RNF216: variants seen among roughly 807,000 people sequenced by gnomAD.
The protein encoded by RNF216 is E3 ubiquitin-protein ligase RNF216.
Under a neutral mutation model 110.8 loss-of-function variants are expected in RNF216, and 72 were observed. The observed-to-expected ratio is 0.65, with a 90% CI of 0.54 to 0.79. The LOEUF is 0.79. Ranked by LOEUF, RNF216 falls within the 30% of genes least tolerant of loss-of-function variation. The probability of loss-of-function intolerance (pLI) is 0.00; values close to 1 mark genes in which losing one functional copy is unlikely to be tolerated. For synonymous variants in RNF216, 495 were observed against 407.5 expected (o/e 1.21, Z -2.59); for missense variants, 1,342 against 1,141.2 (o/e 1.18, Z -2.54).
chr7:5,658,562 G>GT (rs34211406), intron 13 of RNF216, among the ~76,000 whole-genome samples: 27,894 of 150,964 alleles, frequency 0.18, 4,620 homozygotes, highest in African/African-American at 0.45. Flanking sequence ...GGAGGCTGAG[G>GT]GGGAGGATTT....
At chr7:5,762,751 A>G (rs1046168867) in intron 1 of RNF216, among the ~76,000 whole-genome samples, 4 of 152,148 alleles carry the variant, frequency 2.6e-5, no homozygotes, top group Admixed American at 2.0e-4. Context: ...GAATGACCTC[A>G]GCAACTTCAG....
chr7:5,747,204 C>T (rs1001159389), intron 3 of RNF216, among the ~76,000 whole-genome samples: 2 of 152,156 alleles, frequency 1.3e-5, no homozygotes, highest in African/African-American at 2.4e-5. Flanking sequence ...TTACATGCTA[C>T]GGATAAAAAC....
intron 1 of RNF216, among the ~76,000 whole-genome samples, chr7:5,766,378 C>T (rs1796208866): frequency 1.3e-5 from 2 of 152,120 alleles, no homozygotes; most frequent in Admixed American, 1.3e-4. Context: ...CCTCCAAATT[C>T]CTATATTGAA....
At position 5,741,307 on chromosome 7, in the gene RNF216, G is replaced by A. The variant is rs373222000; in HGVS notation, c.710C>T (p.Ser237Phe). The A allele has an allele frequency of 7.4e-6, 12 of 1,613,932 alleles. No homozygotes were observed. In the Admixed American group the frequency reaches 1.7e-4, roughly 22 times the overall value. Residue 237 changes from serine (S) to phenylalanine (F), a missense_variant, in exon 4 of 17, where the codon TCT (serine) becomes TTT (phenylalanine). Coordinates refer to ENST00000389902, the MANE Select transcript of RNF216 (RefSeq NM_207111.4). ...TATTTCACGGGGCTGTTGGTTCAGA[G>A]ACTGGAAGTAAGGATGATCTAACCA... is the stretch of plus-strand genomic sequence containing the variant. The part of the protein sequence containing the change: ...DCWLDHPYFQ[S>F]LNQQPREITN...
At chr7:5,642,311 T>C (rs1458193077) in intron 14 of RNF216, among the ~76,000 whole-genome samples, 1 of 151,690 alleles carries the variant, frequency 6.6e-6, no homozygotes, top group Non-Finnish European at 1.5e-5. Flanking sequence ...CTCCCCGGGT[T>C]CAAGAGATTC....
At chr7:5,658,654 C>CAAAAA (rs753036691) in intron 13 of RNF216, among the ~76,000 whole-genome samples, 1,385 of 74,870 alleles carry the variant, frequency 0.018, 18 homozygotes, top group East Asian at 0.034. Flanking sequence ...GAGACTGTCT[C>CAAAAA]AAAAAAAAAA....
At chr7:5,755,326 T>C (rs763619417) in intron 2 of RNF216, among the ~76,000 whole-genome samples, 4 of 152,032 alleles carry the variant, frequency 2.6e-5, no homozygotes, top group Admixed American at 6.6e-5. Context: ...ACACACCACA[T>C]GTAAGGTTCC....
At chr7:5,731,129 A>C (rs1201947617) in intron 5 of RNF216, among the ~76,000 whole-genome samples, 1 of 152,250 alleles carries the variant, frequency 6.6e-6, no homozygotes, top group Non-Finnish European at 1.5e-5. Flanking sequence ...TTAAACTACA[A>C]AACTGGAAAA....
At position 5,620,587 on chromosome 7, in the gene RNF216, CAG is replaced by C; in HGVS notation, c.*2271_*2272del. 1 of 152,490 alleles carries C rather than the reference CAG, an allele frequency of 6.6e-6. No homozygotes were observed. The highest frequency in any genetic ancestry group is 1.5e-5 in the Non-Finnish European group (1 of 68,160). 9.4% of individuals were successfully genotyped at this position (152,490 alleles called of 1,614,324 possible). A position where few individuals can be genotyped will look rare whatever the true frequency, so the allele number is the denominator to read the frequency against. On this transcript the variant is annotated 3_prime_UTR_variant, in exon 17 of 17. Transcript: ENST00000389902. ...TGGCTCGGGGAGGATCCTCAGGAAT[CAG>C]GGACCCTCCAAGGAAAGAGGCCGCC...
intron 15 of RNF216, among the ~76,000 whole-genome samples, chr7:5,637,883 T>G (rs1450710284): frequency 1.3e-5 from 2 of 152,232 alleles, no homozygotes; most frequent in African/African-American, 4.8e-5. Flanking sequence ...TCTTGTTCTG[T>G]TGTCCTGGGT....
chr7:5,764,509 G>A (rs1296196472), intron 1 of RNF216, among the ~76,000 whole-genome samples: 1 of 151,956 alleles, frequency 6.6e-6, no homozygotes, highest in Non-Finnish European at 1.5e-5. Context: ...TCAGCTTGGT[G>A]TGGTGGCATG....
In RNF216 at chr7:5,641,257, C is replaced by T; in HGVS notation, c.2279G>A (p.Cys760Tyr). 6.2e-7 allele frequency: 1 copy of T among 1,614,148 alleles called. No homozygotes were observed. The highest frequency in any genetic ancestry group is 8.5e-7 in the Non-Finnish European group (1 of 1,180,042). The change falls in exon 15 of 17, where the codon TGT (cysteine) becomes TAT (tyrosine). Residue 760 changes from cysteine (C) to tyrosine (Y), a missense_variant. Physicochemically the swap from Cys to Tyr is radical, Grantham distance 194 (BLOSUM62 -2). Coordinates refer to ENST00000389902, the MANE Select transcript of RNF216 (RefSeq NM_207111.4). ...CRCGAQMCYL[C>Y]RVSINGYDHF... is the part of the protein sequence containing the mutation. ...GTCATATCCATTAATAGAAACTCGA[C>T]AGAGGTAGCACATCTGGGCACCACA...
intron 13 of RNF216, among the ~76,000 whole-genome samples, chr7:5,705,837 G>A (rs1402485742): frequency 6.6e-6 from 1 of 151,944 alleles, no homozygotes; most frequent in African/African-American, 2.4e-5. Flanking sequence ...AACCTGGGAG[G>A]CGGAGGTTAT....
chr7:5,647,469 G>T (rs1176835725), intron 14 of RNF216, among the ~76,000 whole-genome samples: 19 of 151,530 alleles, frequency 1.3e-4, no homozygotes, highest in Admixed American at 1.3e-3. Flanking sequence ...AAGTAGCTGG[G>T]ACTACAGGCA....
chr7:5,622,902 G>C lies in RNF216; in HGVS notation c.2730C>G (p.Asn910Lys). 6.2e-7 allele frequency: 1 copy of C among 1,612,332 alleles called. No homozygotes were observed. The highest frequency in any genetic ancestry group is 8.5e-7 in the Non-Finnish European group (1 of 1,178,972). Residue 910 changes from asparagine to lysine, a missense_variant, in exon 17 of 17, where the codon AAC becomes AAG. Transcript: ENST00000389902. ...FGPIHMPLEHNLPMHFGPQPR... is the reference protein window; with the variant it reads ...FGPIHMPLEHKLPMHFGPQPR... ...GCTGGGGGCCAAAGTGCATGGGCAG[G>C]TTGTGCTCCAGGGGCATGTGGATGG...
At chr7:5,729,355 G>T in intron 7 of RNF216, 77 bp downstream of exon 7, 2 of 1,438,336 alleles carry the variant, frequency 1.4e-6, no homozygotes, top group Non-Finnish European at 1.9e-6. Context: ...ATTTCCACAA[G>T]CTGAACTGTT....
At chr7:5,762,990 A>G (rs1396532092) in intron 1 of RNF216, among the ~76,000 whole-genome samples, 7 of 152,230 alleles carry the variant, frequency 4.6e-5, no homozygotes, top group Non-Finnish European at 4.4e-5. Flanking sequence ...TTACATCTCC[A>G]TGGACCAGCA....
intron 13 of RNF216, among the ~76,000 whole-genome samples, chr7:5,693,118 C>T (rs181127415): frequency 5.3e-5 from 8 of 152,166 alleles, no homozygotes; most frequent in African/African-American, 1.4e-4. Flanking sequence ...GTATATGCTA[C>T]GGGTTGGCAA....
In RNF216 at chr7:5,729,438, G is replaced by A. The variant is rs377189667; in HGVS notation, c.1383C>T (p.Thr461=). 1 of 1,614,086 alleles carries A rather than the reference G, an allele frequency of 6.2e-7. No homozygotes were observed. The highest frequency in any genetic ancestry group is 8.5e-7 in the Non-Finnish European group (1 of 1,179,994). Residue 461 remains threonine (T), a synonymous_variant, in exon 7 of 17, where the codon ACC becomes ACT. Coordinates refer to ENST00000389902, the MANE Select transcript of RNF216 (RefSeq NM_207111.4). ...GGAAGACCAAGTAGAGTACCTTTCG[G>A]GTGATTGCATAGTGTCCTTTGAGCT... The part of the protein sequence containing the change: ...LHELKGHYAI[T]RKALSDAIKK...
Sources: gnomAD v4.1 joint callset for allele counts (sites outside exome capture counted in the v4.1 genomes callset) on GRCh38, gnomAD v4.1.1 for gene constraint, MANE v1.5 for transcripts, NCBI Gene and HGNC (gene_info 2026-07-23, HGNC 2026-07-21) for gene names.